The following PSG4 variants were observed in gnomAD, a reference collection of about 807,000 sequenced individuals.
PSG4 encodes pregnancy-specific beta-1-glycoprotein 4.
Under a neutral mutation model 44.3 loss-of-function variants are expected in PSG4, and 61 were observed. The observed-to-expected ratio is 1.38, with a 90% CI of 1.12 to 1.70. PSG4 has a LOEUF of 1.70. Among genes scored for constraint, PSG4 ranks in the 40% most tolerant of loss-of-function variants. The pLI is 0.00. For missense variants in PSG4, 677 were observed against 511.7 expected (o/e 1.32, Z -3.12); for synonymous variants, 248 against 191.3 (o/e 1.30, Z -2.45).
chr19:43,198,747 G>C (rs796979622), intron 2 of PSG4: 7 of 162,976 alleles, frequency 4.3e-5, no homozygotes, highest in African/African-American at 1.8e-4. Flanking sequence ...TAAACCCTTT[G>C]GGTACTGGAA....
chr19:43,196,187 A>G (rs4028449), intron 3 of PSG4, among the ~76,000 whole-genome samples: 103,438 of 150,158 alleles, frequency 0.69, 36,707 homozygotes, highest in East Asian at 0.93. Context: ...AAATTTGGAG[A>G]GAAGTTTTGC....
chr19:43,198,138 T>C lies in PSG4; in HGVS notation c.568A>G (p.Thr190Ala), dbSNP rs1316444005. Residue 190 changes from threonine to alanine, a missense_variant, in exon 3 of 6, where the codon ACT becomes GCT. Physicochemically the swap from Thr to Ala is moderately conservative, Grantham distance 58. Coordinates refer to ENST00000405312, the MANE Select transcript of PSG4 (RefSeq NM_002780.5). The part of the protein sequence containing the change: ...WWMNGQSLPM[T>A]HRLQLSKTNR... ...GTTTTGGACAGCTGCAACCTGTGAG[T>C]CATAGGGAGGCTCTGACCATTCATC... The C allele has an allele frequency of 6.3e-7, 1 of 1,587,346 alleles. No individual in the cohort carries two copies. The highest frequency in any genetic ancestry group is 1.7e-5 in the Admixed American group (1 of 58,314).
At chr19:43,196,705 T>C (rs1201655691) in intron 3 of PSG4, 1 of 151,542 alleles carries the variant, frequency 6.6e-6, no homozygotes, top group Non-Finnish European at 1.5e-5. Flanking sequence ...TGCACTCATA[T>C]ATTTTTTAAA....
Position 43,203,274 on chromosome 19 carries a change from C to A in PSG4, c.430+612G>T, listed in dbSNP as rs1214937656. The A allele has an allele frequency of 9.4e-5, 14 of 148,382 alleles. 4 individuals are homozygous for A. Among genetic ancestry groups the A allele is most frequent in the African/African-American group, 3.4e-4 (13 of 38,132 alleles). The allele number at this position is 148,382 out of a possible 1,614,324, so 9.2% of individuals were successfully genotyped here. ...TAAGCCGATGTCCTACAAAGCTTGT[C>A]TTTCTATCCTCTCCACTCTGAGTGT... is the stretch of plus-strand genomic sequence containing the variant. On this transcript the variant is annotated intron_variant, in intron 2 of 5. Coordinates refer to ENST00000405312, the MANE Select transcript of PSG4 (RefSeq NM_002780.5).
At chr19:43,200,604 C>G (rs1384464427) in intron 2 of PSG4, among the ~76,000 whole-genome samples, 2 of 144,314 alleles carry the variant, frequency 1.4e-5, no homozygotes, top group East Asian at 4.8e-4. Flanking sequence ...GAGACAGAGT[C>G]TCGCTCTGTT....
At chr19:43,198,431 C>G (rs1179131219) in intron 2 of PSG4, among the ~76,000 whole-genome samples, 156 bp from the exon 3 acceptor site, 1 of 145,786 alleles carries the variant, frequency 6.9e-6, no homozygotes, top group African/African-American at 2.6e-5. Context: ...GCATGGCAAT[C>G]TGAGAGCTCA....
At chr19:43,194,935 C>T in intron 4 of PSG4, 60 bp downstream of exon 4, 1 of 1,593,734 alleles carries the variant, frequency 6.3e-7, no homozygotes, top group Non-Finnish European at 8.5e-7. Context: ...AGAGACCTGG[C>T]CTCTGGTGGT....
At position 43,194,549 on chromosome 19, in the gene PSG4, C is replaced by T. The variant is rs1343764508; in HGVS notation, c.1034G>A (p.Arg345His). 5.0e-6 allele frequency: 8 copies of T among 1,612,230 alleles called. No individual in the cohort carries two copies. Among genetic ancestry groups the T allele is most frequent in the African/African-American group, 1.3e-5 (1 of 74,546 alleles). ...PSIYPSFTYY[R>H]SGENLYLSCF... ...GGACAAGTAGAGGTTTTCTCCTGAACGGTAATAGGTGAATGAAGGGTAAAT... is the reference window on the plus strand; with the variant it reads ...GGACAAGTAGAGGTTTTCTCCTGAATGGTAATAGGTGAATGAAGGGTAAAT... Residue 345 changes from arginine to histidine, a missense_variant, in exon 5 of 6, where the codon CGT (arginine) becomes CAT (histidine). Physicochemically the swap from Arg to His is conservative, Grantham distance 29 (BLOSUM62 0). Coordinates refer to ENST00000405312, the MANE Select transcript of PSG4 (RefSeq NM_002780.5).
At chr19:43,200,417 T>C (rs1287600461) in intron 2 of PSG4, among the ~76,000 whole-genome samples, 2 of 144,972 alleles carry the variant, frequency 1.4e-5, no homozygotes, top group South Asian at 4.3e-4. Context: ...AAATATTAAA[T>C]ATGAAGGCGA....
chr19:43,193,606 C>A (rs1420157095), intron 5 of PSG4: 5 of 592,130 alleles, frequency 8.4e-6, no homozygotes, highest in African/African-American at 1.9e-5. Context: ...TAGCAATAGA[C>A]CATGTAGGCG....
chr19:43,194,721 A>T, intron 4 of PSG4, 127 bp from the exon 5 acceptor site: 1 of 1,470,462 alleles, frequency 6.8e-7, no homozygotes, highest in Non-Finnish European at 9.1e-7. Flanking sequence ...AACTCCCTCT[A>T]TGTTCACTGA....
chr19:43,204,523 C>G (rs1483517771), intron 1 of PSG4: 10 of 430,430 alleles, frequency 2.3e-5, no homozygotes, highest in Non-Finnish European at 3.9e-5. Flanking sequence ...CGCACGGCCC[C>G]CTCCACACTG....
At chr19:43,196,143 C>G (rs1347067947) in intron 3 of PSG4, among the ~76,000 whole-genome samples, 1 of 151,706 alleles carries the variant, frequency 6.6e-6, no homozygotes, top group Non-Finnish European at 1.5e-5. Context: ...AAATCTGGTC[C>G]TCATGGACCA....
intron 3 of PSG4, among the ~76,000 whole-genome samples, chr19:43,197,536 G>C (rs1967303218): frequency 7.1e-6 from 1 of 140,278 alleles, no homozygotes; most frequent in Non-Finnish European, 1.5e-5. Flanking sequence ...GGAGAGATTG[G>C]GGAATTCCCC....
At chr19:43,193,414 A>G (rs749111149) in intron 5 of PSG4, 26 bp from the exon 6 acceptor site, 2 of 768,002 alleles carry the variant, frequency 2.6e-6, no homozygotes, top group Non-Finnish European at 4.8e-6. Context: ...AAAAACACAG[A>G]AACAATGAAC....
chr19:43,201,907 T>C (rs1280668600), intron 2 of PSG4, among the ~76,000 whole-genome samples: 3 of 144,282 alleles, frequency 2.1e-5, no homozygotes, highest in Non-Finnish European at 4.5e-5. Context: ...CCCTGTCCCA[T>C]TGTCTTGTCC....
chr19:43,204,840 A>G lies in PSG4; in HGVS notation c.65-589T>C, dbSNP rs201922842. ...CTCTGGATGTTTCTTTTTCCCCCCA[A>G]TTGTTGAGGTTTCTTGCTGAGGACA... On this transcript the variant is annotated intron_variant, in intron 1 of 5. Coordinates refer to ENST00000405312, the MANE Select transcript of PSG4 (RefSeq NM_002780.5). The G allele has an allele frequency of 1.2e-4, 49 of 423,982 alleles. 4 individuals carry two copies. Among genetic ancestry groups the G allele is most frequent in the Non-Finnish European group, 1.8e-4 (38 of 213,034 alleles). 26.3% of individuals were successfully genotyped at this position (423,982 alleles called of 1,614,324 possible).
In PSG4 at chr19:43,195,188, C is replaced by G. The variant is rs1459065452; in HGVS notation, c.795G>C (p.Lys265Asn). 6 of 1,609,954 alleles carry G rather than the reference C, an allele frequency of 3.7e-6. No homozygotes were observed. The highest frequency in any genetic ancestry group is 1.3e-5 in the African/African-American group (1 of 74,350). ...ACCAAATGTAGGTGTAGTTCTTACT[C>G]TTAGGTTCACAGGTGAAGGTTAAGA... ...KDVLTFTCEP[K>N]SKNYTYIWWL... Residue 265 changes from lysine (K) to asparagine (N), a missense_variant, in exon 4 of 6, where the codon AAG becomes AAC. Lys to Asn is a moderately conservative substitution (Grantham distance 94). Transcript: ENST00000405312.
rs373986184 is a variant in PSG4 at position 43,195,130 on chromosome 19, T to C, written c.853A>G (p.Arg285Gly). The C allele has an allele frequency of 3.7e-6, 6 of 1,610,526 alleles. No individual in the cohort carries two copies. The highest frequency in any genetic ancestry group is 2.7e-5 in the African/African-American group (2 of 74,462). ...LNGQSLPVSP[R>G]VKRPIENRIL... is the part of the protein sequence containing the mutation. ...CTGTTTTCAATGGGTCGCTTTACCC[T>C]GGGACTGACAGGGAGGCTCTGACCA... The change falls in exon 4 of 6, where the codon AGG (arginine) becomes GGG (glycine). Residue 285 changes from arginine (R) to glycine (G), a missense_variant. Arg to Gly is a moderately radical substitution (Grantham distance 125). Coordinates refer to ENST00000405312, the MANE Select transcript of PSG4 (RefSeq NM_002780.5).
Sources: allele counts gnomAD v4.1 joint callset (sites outside exome capture counted in the v4.1 genomes callset), GRCh38; gene constraint gnomAD v4.1.1; transcripts MANE v1.5; gene names NCBI Gene and HGNC (gene_info 2026-07-23, HGNC 2026-07-21).